The following MTCH2 variants were observed in gnomAD, a reference collection of about 807,000 sequenced individuals.
The protein encoded by MTCH2 is mitochondrial carrier homolog 2.
Under a neutral mutation model 50.6 loss-of-function variants are expected in MTCH2, and 25 were observed. That is an observed-to-expected ratio of 0.49 (90% CI 0.36 to 0.69). The LOEUF (loss-of-function observed/expected upper bound fraction) is 0.69. MTCH2 is among the 30% of genes least tolerant of loss of function. The probability of loss-of-function intolerance (pLI) is 0.00; values close to 1 mark genes in which losing one functional copy is unlikely to be tolerated. For missense variants in MTCH2, 273 were observed against 384.4 expected (o/e 0.71, Z 2.42); for synonymous variants, 106 against 132.0 (o/e 0.80, Z 1.35).
chr11:47,623,214 T>A (rs1008268138), intron 11 of MTCH2, among the ~76,000 whole-genome samples: 3 of 151,552 alleles, frequency 2.0e-5, no homozygotes, highest in Admixed American at 6.6e-5. Context: ...CTACTGAAAA[T>A]ACAAAAACAT....
intron 9 of MTCH2, among the ~76,000 whole-genome samples, 167 bp from the exon 10 acceptor site, chr11:47,627,294 C>T (rs1480326428): frequency 6.6e-6 from 1 of 151,924 alleles, no homozygotes; most frequent in Non-Finnish European, 1.5e-5. Context: ...CCACGCCCAG[C>T]TAATTTCAAA....
chr11:47,638,112 C>T (rs1036717528), intron 3 of MTCH2, among the ~76,000 whole-genome samples: 3 of 151,998 alleles, frequency 2.0e-5, no homozygotes, highest in Non-Finnish European at 4.4e-5. Context: ...ATTCAGGGTA[C>T]CTGGTTACCT....
the MTCH2 span, among the ~76,000 whole-genome samples, chr11:47,609,457 C>CAAAAAA: frequency 2.5e-5 from 1 of 40,122 alleles, no homozygotes; most frequent in Non-Finnish European, 4.3e-5. Context: ...GATTCTGTAT[C>CAAAAAA]AAAAAAAAAA....
chr11:47,639,202 T>TG, intron 1 of MTCH2, 151 bp from the exon 2 acceptor site: 2 of 676,598 alleles, frequency 3.0e-6, no homozygotes, highest in Non-Finnish European at 4.9e-6. Context: ...GAAGCATCAT[T>TG]CTTGTAGGTT....
Position 47,617,631 on chromosome 11 carries a change from T to C in MTCH2, c.*1202A>G, listed in dbSNP as rs2097289384. 1 of 152,648 alleles carries C rather than the reference T, an allele frequency of 6.6e-6. No homozygotes were observed. The highest frequency in any genetic ancestry group is 2.1e-4 in the South Asian group (1 of 4,834). The allele number at this position is 152,648 out of a possible 1,614,324, so 9.5% of individuals were successfully genotyped here. A position where few individuals can be genotyped will look rare whatever the true frequency, so the allele number is the denominator to read the frequency against. On this transcript the variant is annotated 3_prime_UTR_variant, in exon 13 of 13. Transcript: ENST00000302503. The stretch of plus-strand genomic sequence containing the variant: ...TTTGGCAATGTCCCAGTGAGTTATA[T>C]AAATAAGTGAAACCACAGGCTTTCT...
chr11:47,626,866 C>T (rs1220523014), intron 10 of MTCH2, among the ~76,000 whole-genome samples: 1 of 151,828 alleles, frequency 6.6e-6, no homozygotes, highest in African/African-American at 2.4e-5. Flanking sequence ...GCCCACCTCA[C>T]CTTCCCAAAG....
intron 9 of MTCH2, 95 bp downstream of exon 9, chr11:47,628,858 G>T: frequency 8.9e-7 from 1 of 1,125,010 alleles, no homozygotes; most frequent in Non-Finnish European, 1.3e-6. Flanking sequence ...GATTACAGGT[G>T]TGAGCCACCT....
At chr11:47,628,854 A>C in intron 9 of MTCH2, 99 bp downstream of exon 9, 1 of 1,041,706 alleles carries the variant, frequency 9.6e-7, no homozygotes, top group South Asian at 1.4e-5. Context: ...CTGGGATTAC[A>C]GGTGTGAGCC....
Position 47,642,522 on chromosome 11 carries a change from C to T in MTCH2, c.-57G>A, listed in dbSNP as rs1035280506. The T allele has an allele frequency of 1.4e-4, 213 of 1,510,446 alleles. No individual in the cohort carries two copies. Among genetic ancestry groups the T allele is most frequent in the Non-Finnish European group, 1.9e-4 (210 of 1,118,730 alleles). 93.6% of individuals were successfully genotyped at this position (1,510,446 alleles called of 1,614,324 possible). A position where few individuals can be genotyped will look rare whatever the true frequency, so the allele number is the denominator to read the frequency against. On this transcript the variant is annotated 5_prime_UTR_variant, in exon 1 of 13. Transcript: ENST00000302503. ...CGGAGCCACCAAGCGACCCGGTGAG[C>T]CGGTCCTAGGTCACGTGCCAGGGCC...
chr11:47,619,000 T>C (rs777648209), intron 12 of MTCH2, 81 bp from the exon 13 acceptor site: 38 of 1,228,042 alleles, frequency 3.1e-5, no homozygotes, highest in African/African-American at 5.9e-5. Context: ...AGAGGTCCAA[T>C]TGGGAGACGT....
At chr11:47,629,116 A>G in intron 8 of MTCH2, 70 bp from the exon 9 acceptor site, 1 of 1,284,688 alleles carries the variant, frequency 7.8e-7, no homozygotes, top group Non-Finnish European at 1.1e-6. Flanking sequence ...CTTCAGTACA[A>G]ATGTTTGTCA....
At chr11:47,623,197 C>T (rs1030931634) in intron 11 of MTCH2, among the ~76,000 whole-genome samples, 11 of 151,068 alleles carry the variant, frequency 7.3e-5, no homozygotes, top group African/African-American at 2.4e-4. Context: ...ATGGTGAAAC[C>T]CCATCTCTAC....
At chr11:47,622,570 T>C in intron 12 of MTCH2, 131 bp downstream of exon 12, 1 of 682,328 alleles carries the variant, frequency 1.5e-6, no homozygotes, top group African/African-American at 1.9e-5. Flanking sequence ...GTACATTAAC[T>C]GGCAGACTAG....
rs1297287872 is a variant in MTCH2, at chr11:47,617,866, T to C, written c.*967A>G. ...ACCAGACATGGAGTTACAAATATAC[T>C]TTCCAAGGCTGTCATCAGAAATGCA... On this transcript the variant is annotated 3_prime_UTR_variant, in exon 13 of 13. Transcript: ENST00000302503. The C allele has an allele frequency of 1.3e-5, 2 of 152,174 alleles. No individual in the cohort carries two copies. Among genetic ancestry groups the C allele is most frequent in the African/African-American group, 4.8e-5 (2 of 41,450 alleles). 9.4% of individuals were successfully genotyped at this position (152,174 alleles called of 1,614,324 possible).
the MTCH2 span, among the ~76,000 whole-genome samples, chr11:47,605,681 A>C: frequency 6.6e-6 from 1 of 152,178 alleles, no homozygotes; most frequent in Admixed American, 6.6e-5. Flanking sequence ...ACTGGGGTGA[A>C]GGAGCACAGC....
chr11:47,624,723 A>C (rs1247064868), intron 11 of MTCH2, among the ~76,000 whole-genome samples: 1 of 152,230 alleles, frequency 6.6e-6, no homozygotes, highest in Non-Finnish European at 1.5e-5. Context: ...CCTTGAGCTC[A>C]GGAGTTCAAG....
chr11:47,613,428 C>T (rs1302967046), downstream of MTCH2, among the ~76,000 whole-genome samples: 1 of 152,054 alleles, frequency 6.6e-6, no homozygotes, highest in East Asian at 1.9e-4. Flanking sequence ...TGAACCCATC[C>T]ATTCTGCAAG....
downstream of MTCH2, among the ~76,000 whole-genome samples, chr11:47,614,596 T>A (rs1434276759): frequency 1.3e-5 from 2 of 152,154 alleles, no homozygotes; most frequent in African/African-American, 4.8e-5. Flanking sequence ...CCTCTTTTTT[T>A]TCTTTGAGAC....
Position 47,637,890 on chromosome 11 carries a change from T to G in MTCH2, c.279+809A>C, listed in dbSNP as rs143610883. Reference sequence around the variant, plus strand: ...TAAATTTTCACTTGTTTCTATACTTTGTTATTTACTCCATCGATATAATTA... The same window carrying G: ...TAAATTTTCACTTGTTTCTATACTTGGTTATTTACTCCATCGATATAATTA... On this transcript the variant is annotated intron_variant, in intron 3 of 12. Transcript: ENST00000302503. 7.2e-5 allele frequency among the ~76,000 whole-genome samples: 11 copies of G among 152,342 alleles called. 1 individual carries two copies. In the East Asian group the frequency reaches 2.1e-3, roughly 29 times the overall value.
Sources: gnomAD v4.1 joint callset for allele counts (sites outside exome capture counted in the v4.1 genomes callset) on GRCh38, gnomAD v4.1.1 for gene constraint, MANE v1.5 for transcripts, NCBI Gene and HGNC (gene_info 2026-07-23, HGNC 2026-07-21) for gene names.